Variants in USPL1 observed in about 807,000 individuals in gnomAD.
USPL1 encodes the protein ubiquitin specific peptidase like 1, also known as SUMO-specific isopeptidase USPL1.
Under a neutral mutation model 51.5 loss-of-function variants are expected in USPL1, and 27 were observed. The ratio of observed to expected loss-of-function variants is 0.52; its 90% CI spans 0.39 to 0.72. USPL1 has a LOEUF of 0.72. Among genes scored for constraint, USPL1 ranks in the 30% least tolerant of loss-of-function variants. USPL1 has a pLI of 0.00. For synonymous variants in USPL1, 451 were observed against 459.6 expected (o/e 0.98, Z 0.24); for missense variants, 1,226 against 1,268.0 (o/e 0.97, Z 0.50).
rs750324136 is a variant in USPL1 at position 30,659,908 on chromosome 13, C to G, written c.*552C>G. ...GCGGGCAGGTCGTCCCTCAAGTGTT[C>G]AGCTCTCAGCAGAGAAAAGGCCCTG... On this transcript the variant is annotated 3_prime_UTR_variant, in exon 9 of 9. Transcript: ENST00000255304. 127 of 152,908 alleles carry G rather than the reference C, an allele frequency of 8.3e-4. No homozygotes were observed. Among genetic ancestry groups the G allele is most frequent in the Non-Finnish European group, 1.4e-3 (99 of 68,660 alleles). The allele number at this position is 152,908 out of a possible 1,614,324, so 9.5% of individuals were successfully genotyped here.
intron 1 of USPL1, among the ~76,000 whole-genome samples, chr13:30,618,996 T>A (rs1950610960): frequency 6.6e-6 from 1 of 152,128 alleles, no homozygotes; most frequent in Admixed American, 6.5e-5. Flanking sequence ...TCCAAAGAAC[T>A]GTCCACAGAA....
intron 6 of USPL1, among the ~76,000 whole-genome samples, chr13:30,645,592 T>C (rs1349112064): frequency 6.6e-6 from 1 of 152,270 alleles, no homozygotes; most frequent in East Asian, 1.9e-4. Context: ...TTCTTAAATA[T>C]GTTTTAATAT....
chr13:30,632,406 A>AT (rs60539080), intron 4 of USPL1, among the ~76,000 whole-genome samples: 22,755 of 83,434 alleles, frequency 0.27, 3,841 homozygotes, highest in Middle Eastern at 0.45. Flanking sequence ...TGCTATTGTG[A>AT]TTTTTTTTTT....
intron 1 of USPL1, among the ~76,000 whole-genome samples, chr13:30,619,955 A>G (rs1281244839): frequency 1.3e-5 from 2 of 152,238 alleles, no homozygotes; most frequent in African/African-American, 4.8e-5. Context: ...GCTGCTAAAC[A>G]TCGTCAGTGC....
chr13:30,619,714 C>T (rs369186395), intron 1 of USPL1, among the ~76,000 whole-genome samples: 1 of 152,194 alleles, frequency 6.6e-6, no homozygotes, highest in Non-Finnish European at 1.5e-5. Context: ...TCTGGACCAA[C>T]ATCTGCAGGT....
At chr13:30,632,406 ATTTTTTTTTTTTT>A (rs60539080) in intron 4 of USPL1, among the ~76,000 whole-genome samples, 2 of 83,672 alleles carry the variant, frequency 2.4e-5, no homozygotes, top group East Asian at 3.3e-4. Flanking sequence ...TGCTATTGTG[ATTTTTTTTTTTTT>A]TTTTTTTTTT....
chr13:30,621,618 CTTTT>C, intron 2 of USPL1, 142 bp from the exon 3 acceptor site: 2 of 563,472 alleles, frequency 3.5e-6, no homozygotes, highest in Non-Finnish European at 5.5e-6. Flanking sequence ...ATATGCATTT[CTTTT>C]GTTTGCCATG....
At chr13:30,624,532 C>T (rs1278443297) in intron 3 of USPL1, among the ~76,000 whole-genome samples, 29 of 152,032 alleles carry the variant, frequency 1.9e-4, no homozygotes, top group Admixed American at 1.9e-3. Context: ...TACGGGTGCA[C>T]GGCACCATGC....
Position 30,659,516 on chromosome 13 carries a change from A to AAGC in USPL1, c.*161_*162insGCA. The AAGC allele has an allele frequency of 1.6e-6, 1 of 619,030 alleles. No homozygotes were observed. The highest frequency in any genetic ancestry group is 2.6e-6 in the Non-Finnish European group (1 of 383,214). 38.3% of individuals were successfully genotyped at this position (619,030 alleles called of 1,614,324 possible). ...CTTTGGTTCTGCCCATGAAGCATGTAATCTTTCTTACACATTAAAATCACT... is the reference window on the plus strand; with the variant it reads ...CTTTGGTTCTGCCCATGAAGCATGTAAGCATCTTTCTTACACATTAAAATCACT... On this transcript the variant is annotated 3_prime_UTR_variant, in exon 9 of 9. Transcript: ENST00000255304.
rs759122826 is a variant in USPL1, at chr13:30,642,731, G to C, written c.1086G>C (p.Ser362=). 1.9e-6 allele frequency: 3 copies of C among 1,613,226 alleles called. No homozygotes were observed. In the Admixed American group the frequency reaches 5.0e-5, roughly 27 times the overall value. The part of the protein sequence containing the change: ...LYSFSWDFEC[S]QCGHQYQNRH... ...CTTTTTCTTGGGACTTTGAATGTTC[G>C]CAGTGTGGACACCAATATCAAAACA... The change falls in exon 6 of 9, where the codon TCG becomes TCC. Residue 362 remains serine, a synonymous_variant. Transcript: ENST00000255304.
At chr13:30,650,220 TATTTG>T in intron 7 of USPL1, among the ~76,000 whole-genome samples, 1 of 152,274 alleles carries the variant, frequency 6.6e-6, no homozygotes, top group South Asian at 2.1e-4. Context: ...GGAAGGATAT[TATTTG>T]ATTGACTCCA....
intron 3 of USPL1, among the ~76,000 whole-genome samples, chr13:30,630,183 G>A (rs1335541770): frequency 1.3e-5 from 2 of 152,002 alleles, no homozygotes; most frequent in Admixed American, 6.6e-5. Flanking sequence ...TTAGTGTAGA[G>A]GGTTCTTGAA....
At chr13:30,630,516 CGTT>C (rs780159597) in intron 3 of USPL1, among the ~76,000 whole-genome samples, 7 of 152,234 alleles carry the variant, frequency 4.6e-5, no homozygotes, top group African/African-American at 1.7e-4. Context: ...TGTTTCTTTA[CGTT>C]GTTGAAAATT....
chr13:30,656,604 A>G (rs935030153), intron 8 of USPL1, among the ~76,000 whole-genome samples: 5 of 152,188 alleles, frequency 3.3e-5, no homozygotes, highest in African/African-American at 1.2e-4. Context: ...ACATTTGACT[A>G]TTGTGAATAA....
chr13:30,634,176 C>T (rs1050824508), intron 4 of USPL1, among the ~76,000 whole-genome samples: 2 of 152,160 alleles, frequency 1.3e-5, no homozygotes, highest in African/African-American at 4.8e-5. Flanking sequence ...GTTGCTTGAA[C>T]ACAAGCACTG....
chr13:30,621,448 G>A (rs913017488), intron 2 of USPL1, among the ~76,000 whole-genome samples: 6 of 152,032 alleles, frequency 3.9e-5, no homozygotes, highest in South Asian at 2.1e-4. Flanking sequence ...TAGACCTTAT[G>A]ATTTACTGTT....
At chr13:30,627,655 AT>A (rs924050043) in intron 3 of USPL1, among the ~76,000 whole-genome samples, 5 of 151,092 alleles carry the variant, frequency 3.3e-5, no homozygotes, top group African/African-American at 7.3e-5. Context: ...TCGTCTCAGG[AT>A]TTTTTTTTCT....
At chr13:30,647,182 C>T in intron 7 of USPL1, 125 bp downstream of exon 7, 1 of 1,142,888 alleles carries the variant, frequency 8.7e-7, no homozygotes, top group Non-Finnish European at 1.2e-6. Flanking sequence ...ACATATATTT[C>T]TGGGTTGCCA....
intron 2 of USPL1, among the ~76,000 whole-genome samples, 154 bp downstream of exon 2, chr13:30,621,393 T>G (rs1199681176): frequency 6.6e-6 from 1 of 152,156 alleles, no homozygotes; most frequent in Non-Finnish European, 1.5e-5. Context: ...TTTAATGTGT[T>G]TACCTTTCTG....
Sources: allele counts gnomAD v4.1 joint callset (sites outside exome capture counted in the v4.1 genomes callset), GRCh38; gene constraint gnomAD v4.1.1; transcripts MANE v1.5; gene names NCBI Gene and HGNC (gene_info 2026-07-23, HGNC 2026-07-21).